Variants in POMGNT1 observed in about 807,000 individuals in gnomAD.
POMGNT1 encodes protein O-linked mannose N-acetylglucosaminyltransferase 1 (beta 1,2-).
Under a neutral mutation model 95.6 loss-of-function variants are expected in POMGNT1, and 67 were observed. That is an observed-to-expected ratio of 0.70 (90% CI 0.58 to 0.86). POMGNT1 has a LOEUF of 0.86. POMGNT1 is among the 40% of genes least tolerant of loss of function. The pLI, the probability that POMGNT1 is intolerant of heterozygous loss-of-function variation, is 0.00. For synonymous variants in POMGNT1, 298 were observed against 317.9 expected (o/e 0.94, Z 0.66); for missense variants, 719 against 855.2 (o/e 0.84, Z 1.99).
At chr1:46,194,697 T>C (rs373081808) in intron 7 of POMGNT1, 46 bp from the exon 8 acceptor site, 18 of 1,614,154 alleles carry the variant, frequency 1.1e-5, no homozygotes, top group African/African-American at 8.0e-5. Flanking sequence ...AGACACCAGT[T>C]TGGGGGCTTT....
chr1:46,196,212 A>C lies in POMGNT1; in HGVS notation c.355-135T>G. On this transcript the variant is annotated intron_variant, in intron 4 of 21. Transcript: ENST00000371984. The surrounding 1 kb of genome is among the most constrained non-coding windows in gnomAD (Gnocchi z 4.4). ...TTTCTGTTCACACAGTTCTTTTCCA[A>C]CTCAGCTCGAAGGCCACCTCTTCCA... The C allele has an allele frequency of 1.3e-6, 2 of 1,532,586 alleles. No individual in the cohort carries two copies. Among genetic ancestry groups the C allele is most frequent in the Non-Finnish European group, 1.8e-6 (2 of 1,140,648 alleles). 94.9% of individuals were successfully genotyped at this position (1,532,586 alleles called of 1,614,324 possible).
Position 46,190,532 on chromosome 1 carries a change from G to T in POMGNT1, c.1605-15C>A. 1 of 1,599,828 alleles carries T rather than the reference G, an allele frequency of 6.3e-7. No individual in the cohort carries two copies. The highest frequency in any genetic ancestry group is 1.1e-5 in the South Asian group (1 of 90,762). ...CTTTCTTCAGACTGAAGAGGAGGGA[G>T]AAATGGGTCAGGGGAGTGGGCAGGC... On this transcript the variant is annotated splice_polypyrimidine_tract_variant and intron_variant, in intron 18 of 21. Coordinates refer to ENST00000371984, the MANE Select transcript of POMGNT1 (RefSeq NM_017739.4).
chr1:46,212,360 A>AATG (rs1203938049), intron 1 of POMGNT1, among the ~76,000 whole-genome samples: 2 of 151,092 alleles, frequency 1.3e-5, no homozygotes, highest in Non-Finnish European at 2.9e-5. Context: ...AGCTCACTGC[A>AATG]AGCTCCGCCT....
Position 46,188,924 on chromosome 1 carries a change from G to A in POMGNT1, c.*346C>T, listed in dbSNP as rs762671303. On this transcript the variant is annotated 3_prime_UTR_variant, in exon 22 of 22. Coordinates refer to ENST00000371984, the MANE Select transcript of POMGNT1 (RefSeq NM_017739.4). ...AAAGAAATCCAGGCCCTCCAGGTTC[G>A]GCCTGTTTTCAAGGCCCTCAGGACA... 40 of 1,612,754 alleles carry A rather than the reference G, an allele frequency of 2.5e-5. No homozygotes were observed. Among genetic ancestry groups the A allele is most frequent in the Non-Finnish European group, 2.8e-5 (33 of 1,179,870 alleles).
chr1:46,196,201 G>C lies in POMGNT1; in HGVS notation c.355-124C>G. 6.4e-7 allele frequency: 1 copy of C among 1,554,138 alleles called. No homozygotes were observed. Among genetic ancestry groups the C allele is most frequent in the African/African-American group, 1.4e-5 (1 of 73,678 alleles). ...TCCTGCCTATGTTTCTGTTCACACAGTTCTTTTCCAACTCAGCTCGAAGGC... is the reference window on the plus strand; with the variant it reads ...TCCTGCCTATGTTTCTGTTCACACACTTCTTTTCCAACTCAGCTCGAAGGC... On this transcript the variant is annotated intron_variant, in intron 4 of 21. Coordinates refer to ENST00000371984, the MANE Select transcript of POMGNT1 (RefSeq NM_017739.4). This position sits in a 1 kb window ranked among gnomAD's most constrained non-coding sequence, Gnocchi z 4.4.
At chr1:46,210,202 A>G (rs1020950913) in intron 1 of POMGNT1, among the ~76,000 whole-genome samples, 1 of 152,232 alleles carries the variant, frequency 6.6e-6, no homozygotes, top group African/African-American at 2.4e-5. Flanking sequence ...CCAAAAACAC[A>G]AATAATTTCA....
At chr1:46,190,097 C>CTTTT (rs946195454) in intron 19 of POMGNT1, 108 bp from the exon 20 acceptor site, 137 of 807,092 alleles carry the variant, frequency 1.7e-4, no homozygotes, top group South Asian at 4.5e-4. Flanking sequence ...CCTTGAAGTT[C>CTTTT]TTTTTTTTTT....
chr1:46,189,604 G>C, intron 20 of POMGNT1, 37 bp from the exon 21 acceptor site: 2 of 1,587,392 alleles, frequency 1.3e-6, no homozygotes, highest in Middle Eastern at 1.7e-4. Flanking sequence ...ACATGGGTCA[G>C]AGAGCTGTAG....
chr1:46,214,791 G>A (rs1421666310), intron 1 of POMGNT1, among the ~76,000 whole-genome samples: 4 of 146,302 alleles, frequency 2.7e-5, no homozygotes, highest in African/African-American at 7.6e-5. Flanking sequence ...ACTTGAACCC[G>A]AGAGGCAGAG....
exon 1 of POMGNT1, chr1:46,219,867 A>C (rs1218798360): frequency 6.2e-7 from 1 of 1,613,960 alleles, no homozygotes; most frequent in South Asian, 1.1e-5. Context: ...AGGCCGCTCA[A>C]GGCGAGGCAG....
chr1:46,210,438 A>G (rs1391552700), intron 1 of POMGNT1, among the ~76,000 whole-genome samples: 1 of 152,146 alleles, frequency 6.6e-6, no homozygotes, highest in Non-Finnish European at 1.5e-5. Context: ...CTACCTGGAG[A>G]CAGTGTCACA....
chr1:46,207,465 C>T (rs1026740521), intron 1 of POMGNT1, among the ~76,000 whole-genome samples: 2 of 152,130 alleles, frequency 1.3e-5, no homozygotes, highest in African/African-American at 4.8e-5. Flanking sequence ...TTATGGCCCT[C>T]TAGGTATCTA....
At chr1:46,210,803 C>T (rs541798363) in intron 1 of POMGNT1, among the ~76,000 whole-genome samples, 1 of 152,074 alleles carries the variant, frequency 6.6e-6, no homozygotes, top group Non-Finnish European at 1.5e-5. Context: ...GAGACAAGGT[C>T]TGGTTCTGTT....
intron 1 of POMGNT1, among the ~76,000 whole-genome samples, chr1:46,212,359 C>A (rs1339674765): frequency 1.3e-5 from 2 of 151,160 alleles, no homozygotes; most frequent in South Asian, 2.1e-4. Context: ...CAGCTCACTG[C>A]AAGCTCCGCC....
At chr1:46,192,741 G>C (rs1439095447) in intron 14 of POMGNT1, 151 bp from the exon 15 acceptor site, 1 of 1,593,488 alleles carries the variant, frequency 6.3e-7, no homozygotes, top group Non-Finnish European at 8.6e-7. Context: ...TTCATCCACT[G>C]TACCTTCAAC....
At position 46,196,146 on chromosome 1, in the gene POMGNT1, C is replaced by T. The variant is rs1658225542; in HGVS notation, c.355-69G>A. Reference sequence around the variant, plus strand: ...TCAAGGTGTCTCTGTCTTAGGGGTACTTAAAACACCAGCTGCTTGAAACAT... The same window carrying T: ...TCAAGGTGTCTCTGTCTTAGGGGTATTTAAAACACCAGCTGCTTGAAACAT... On this transcript the variant is annotated intron_variant, in intron 4 of 21. Coordinates refer to ENST00000371984, the MANE Select transcript of POMGNT1 (RefSeq NM_017739.4). The surrounding 1 kb of genome is among the most constrained non-coding windows in gnomAD (Gnocchi z 4.4). 1 of 1,610,184 alleles carries T rather than the reference C, an allele frequency of 6.2e-7. No individual in the cohort carries two copies. Among genetic ancestry groups the T allele is most frequent in the Non-Finnish European group, 8.5e-7 (1 of 1,179,380 alleles).
intron 1 of POMGNT1, among the ~76,000 whole-genome samples, chr1:46,210,042 T>C (rs1658844877): frequency 6.6e-6 from 1 of 152,218 alleles, no homozygotes; most frequent in Admixed American, 6.5e-5. Context: ...CTGTACAGTC[T>C]GATATTGCAG....
rs773920830 is a variant in POMGNT1 at position 46,194,641 on chromosome 1, G to A, written c.663C>T (p.Phe221=). Reference sequence around the variant, plus strand: ...CAGGTGATTTAGAATGTTTCTCCCCGAAGACAGGACCTGGCAGGAGGCAGG... The same window carrying A: ...CAGGTGATTTAGAATGTTTCTCCCCAAAGACAGGACCTGGCAGGAGGCAGG... ...AFVGRKGGPV[F]GEKHSKSPAL... Residue 221 remains phenylalanine, a synonymous_variant, in exon 8 of 22, where the codon TTC becomes TTT. Transcript: ENST00000371984. 1.2e-5 allele frequency: 19 copies of A among 1,614,102 alleles called. No individual in the cohort carries two copies. Among genetic ancestry groups the A allele is most frequent in the Admixed American group, 6.7e-5 (4 of 60,016 alleles).
chr1:46,215,987 A>AAT (rs1659052357), intron 1 of POMGNT1, among the ~76,000 whole-genome samples: 1 of 151,976 alleles, frequency 6.6e-6, no homozygotes, highest in Non-Finnish European at 1.5e-5. Flanking sequence ...CCAAACTATC[A>AAT]ATAGTGTGAG....
Sources: gnomAD v4.1 joint callset for allele counts (sites outside exome capture counted in the v4.1 genomes callset) on GRCh38, gnomAD v4.1.1 for gene constraint, Gnocchi (gnomAD v3.1) non-coding constraint, MANE v1.5 for transcripts, NCBI Gene and HGNC (gene_info 2026-07-23, HGNC 2026-07-21) for gene names.